The following NSMCE2 variants were observed in gnomAD, a reference collection of about 807,000 sequenced individuals.
NSMCE2 encodes E3 SUMO-protein ligase NSE2.
A neutral mutation model predicts 23.8 loss-of-function variants in NSMCE2; 24 were observed. The ratio of observed to expected loss-of-function variants is 1.01; its 90% CI spans 0.73 to 1.42. The LOEUF is 1.42. Ranked by LOEUF, NSMCE2 falls within the 40% of genes most tolerant of loss-of-function variation. NSMCE2 has a pLI of 0.00. For missense variants in NSMCE2, 284 were observed against 296.5 expected, an observed-to-expected ratio of 0.96 and a Z score of 0.31; for synonymous variants, 92 against 94.1, an observed-to-expected ratio of 0.98 and a Z score of 0.13.
At chr8:125,242,540 G>A (rs751860624) in intron 5 of NSMCE2, among the ~76,000 whole-genome samples, 39 of 151,876 alleles carry the variant, frequency 2.6e-4, no homozygotes, top group Middle Eastern at 3.4e-3. Flanking sequence ...ACAAAACTTG[G>A]TTCCAGCAAG....
chr8:125,273,490 A>G (rs978427712), intron 5 of NSMCE2, among the ~76,000 whole-genome samples: 4 of 152,238 alleles, frequency 2.6e-5, no homozygotes, highest in African/African-American at 9.6e-5. Context: ...CTTCCTGGTT[A>G]GTTCATTAAA....
chr8:125,338,782 A>G (rs1247925313), intron 5 of NSMCE2, among the ~76,000 whole-genome samples: 1 of 152,220 alleles, frequency 6.6e-6, no homozygotes, highest in Non-Finnish European at 1.5e-5. Flanking sequence ...TTATTCTAGG[A>G]GTAATAAATA....
chr8:125,280,756 T>A (rs183851609), intron 5 of NSMCE2, among the ~76,000 whole-genome samples: 1 of 152,340 alleles, frequency 6.6e-6, no homozygotes, highest in East Asian at 1.9e-4. Flanking sequence ...ATAGATTCTT[T>A]AAGACATAGG....
At chr8:125,163,184 C>T (rs927535870) in intron 4 of NSMCE2, among the ~76,000 whole-genome samples, 4 of 151,778 alleles carry the variant, frequency 2.6e-5, no homozygotes, top group South Asian at 2.1e-4. Flanking sequence ...CTGGGCAACA[C>T]GGAAAAACCC....
intron 5 of NSMCE2, among the ~76,000 whole-genome samples, chr8:125,336,020 G>C (rs1221512116): frequency 1.3e-5 from 2 of 152,130 alleles, no homozygotes; most frequent in East Asian, 3.8e-4. Flanking sequence ...AGCTAGGAGA[G>C]GACAGATGTT....
intron 4 of NSMCE2, among the ~76,000 whole-genome samples, chr8:125,160,571 A>G (rs1435889408): frequency 1.3e-5 from 2 of 152,226 alleles, no homozygotes; most frequent in Non-Finnish European, 2.9e-5. Flanking sequence ...ACAATGTGAC[A>G]TTTGGCCAGC....
At chr8:125,174,895 C>A (rs1056281084) in intron 4 of NSMCE2, among the ~76,000 whole-genome samples, 1 of 152,130 alleles carries the variant, frequency 6.6e-6, no homozygotes, top group Non-Finnish European at 1.5e-5. Flanking sequence ...ATAATTTGGT[C>A]CAATAGAGTT....
intron 3 of NSMCE2, among the ~76,000 whole-genome samples, chr8:125,128,416 A>G (rs1819610549): frequency 6.6e-6 from 1 of 152,152 alleles, no homozygotes; most frequent in Admixed American, 6.6e-5. Flanking sequence ...TAATTGATGA[A>G]ACTTGATGGT....
At chr8:125,225,590 C>T (rs1825058500) in intron 5 of NSMCE2, among the ~76,000 whole-genome samples, 1 of 152,194 alleles carries the variant, frequency 6.6e-6, no homozygotes, top group Non-Finnish European at 1.5e-5. Flanking sequence ...AGCAGAGAAG[C>T]CTCTCCAGGG....
chr8:125,119,234 G>A (rs1038799750), intron 3 of NSMCE2, among the ~76,000 whole-genome samples: 5 of 152,078 alleles, frequency 3.3e-5, no homozygotes, highest in African/African-American at 1.2e-4. Flanking sequence ...TTCCTCCACC[G>A]ACTGTAACAA....
In NSMCE2 at chr8:125,276,909, T is replaced by TG. The variant is rs200457945; in HGVS notation, c.419-80305dup. ...CCTTGACCACTGCATTGCACAACTG[T>TG]GGGGGACACCATTCACATAGATGAC... On this transcript the variant is annotated intron_variant, in intron 5 of 7. Coordinates refer to ENST00000287437, the MANE Select transcript of NSMCE2 (RefSeq NM_173685.4). Among the ~76,000 whole-genome samples the TG allele has an allele frequency of 3.1e-3, 469 of 152,304 alleles. 4 individuals carry two copies. Among genetic ancestry groups the TG allele is most frequent in the African/African-American group, 0.011 (444 of 41,558 alleles).
intron 5 of NSMCE2, among the ~76,000 whole-genome samples, chr8:125,241,950 G>A (rs1825780669): frequency 6.6e-6 from 1 of 152,174 alleles, no homozygotes; most frequent in Non-Finnish European, 1.5e-5. Flanking sequence ...GGGTGATGAT[G>A]CCATTTACCA....
intron 3 of NSMCE2, among the ~76,000 whole-genome samples, chr8:125,105,912 T>G (rs1194823727): frequency 3.9e-5 from 6 of 152,176 alleles, no homozygotes; most frequent in Non-Finnish European, 8.8e-5. Context: ...CCAAAAAAGT[T>G]AATTTAAGAA....
rs1258785040 is a variant in NSMCE2 at position 125,363,538 on chromosome 8, AAGAAAG to A, written c.627-3226_627-3221del. ...GAAAGAGGAGAGAAAGAAAGAAAGA[AAGAAAG>A]AGAGAGAGAGAGAGAGAGGGAGGGA... On this transcript the variant is annotated intron_variant, in intron 7 of 7. Transcript: ENST00000287437. Among the ~76,000 whole-genome samples the A allele has an allele frequency of 3.8e-5, 5 of 131,174 alleles. No individual in the cohort carries two copies. In the East Asian group the frequency reaches 7.1e-4, roughly 19 times the overall value. The allele number at this position is 131,174 out of a possible 152,430, so 86.1% of individuals were successfully genotyped here. A position where few individuals can be genotyped will look rare whatever the true frequency, so the allele number is the denominator to read the frequency against.
intron 4 of NSMCE2, among the ~76,000 whole-genome samples, chr8:125,174,164 A>G (rs1385006274): frequency 6.6e-6 from 1 of 152,058 alleles, no homozygotes; most frequent in Non-Finnish European, 1.5e-5. Flanking sequence ...CACTTTTTAT[A>G]GTTTGCAATA....
intron 5 of NSMCE2, among the ~76,000 whole-genome samples, chr8:125,241,127 C>T (rs1825750167): frequency 6.6e-6 from 1 of 152,172 alleles, no homozygotes; most frequent in African/African-American, 2.4e-5. Context: ...CTCCAATGAG[C>T]ATTTCCTTTG....
chr8:125,175,995 A>G (rs1276190211), intron 4 of NSMCE2, among the ~76,000 whole-genome samples: 2 of 152,222 alleles, frequency 1.3e-5, no homozygotes, highest in Non-Finnish European at 2.9e-5. Context: ...CTTAGTTCCT[A>G]ACAGTCAACT....
intron 5 of NSMCE2, among the ~76,000 whole-genome samples, chr8:125,328,895 G>C (rs1375748140): frequency 6.6e-6 from 1 of 152,056 alleles, no homozygotes; most frequent in African/African-American, 2.4e-5. Context: ...TCTAGTCACT[G>C]TTTCAGTGAG....
intron 3 of NSMCE2, among the ~76,000 whole-genome samples, chr8:125,124,642 G>C (rs1182711824): frequency 6.6e-6 from 1 of 151,510 alleles, no homozygotes; most frequent in Non-Finnish European, 1.5e-5. Flanking sequence ...ACCACACCTG[G>C]CTAATTTTTG....
Sources: allele counts gnomAD v4.1 joint callset (sites outside exome capture counted in the v4.1 genomes callset), GRCh38; gene constraint gnomAD v4.1.1; transcripts MANE v1.5; gene names NCBI Gene and HGNC (gene_info 2026-07-23, HGNC 2026-07-21).